ACSM2A: variants seen among roughly 807,000 people sequenced by gnomAD.
ACSM2A encodes acyl-coenzyme A synthetase ACSM2A, mitochondrial.
In ACSM2A, 72 loss-of-function variants were observed where a neutral mutation model predicts 76.6. The ratio of observed to expected loss-of-function variants is 0.94; its 90% CI spans 0.78 to 1.14. ACSM2A has a LOEUF of 1.14. ACSM2A is among the 50% of genes most tolerant of loss of function. The pLI, the probability that ACSM2A is intolerant of heterozygous loss-of-function variation, is 0.00. For missense variants in ACSM2A, 684 were observed against 708.5 expected (o/e 0.97, Z 0.39); for synonymous variants, 249 against 255.9 (o/e 0.97, Z 0.26).
intron 8 of ACSM2A, chr16:20,476,437 G>A (rs1183414261): frequency 1.0e-6 from 1 of 985,142 alleles, no homozygotes; most frequent in Non-Finnish European, 1.2e-6. Context: ...TCCTTCTTTG[G>A]CTAATGAGTA....
At chr16:20,474,641 G>C (rs1406436135) in intron 6 of ACSM2A, among the ~76,000 whole-genome samples, 1 of 152,182 alleles carries the variant, frequency 6.6e-6, no homozygotes, top group Non-Finnish European at 1.5e-5. Context: ...GCATGGGATG[G>C]AGATGGTGTT....
intron 1 of ACSM2A, among the ~76,000 whole-genome samples, chr16:20,458,617 T>C (rs1322894995): frequency 7.0e-6 from 1 of 143,442 alleles, no homozygotes; most frequent in Admixed American, 7.2e-5. Context: ...TATATATGTA[T>C]TTTTTGCCAC....
At position 20,477,443 on chromosome 16, in the gene ACSM2A, T is replaced by G. The variant is rs752812070; in HGVS notation, c.1173T>G (p.Asp391Glu). 6 of 1,602,642 alleles carry G rather than the reference T, an allele frequency of 3.7e-6. No homozygotes were observed. The East Asian group carries it at 1.1e-4, about 30-fold the overall frequency. Reference protein sequence around the residue: ...GYMGTAASCYDVQIIDDKGNV... With the variant: ...GYMGTAASCYEVQIIDDKGNV... ...TGGGAACGGCTGCTTCCTGTTATGA[T>G]GTACAGGTTTGCTCGGGACACTGAG... The change falls in exon 9 of 14, where the codon GAT becomes GAG. Residue 391 changes from aspartate to glutamate, a missense_variant. Coordinates refer to ENST00000573854, the MANE Select transcript of ACSM2A (RefSeq NM_001308172.2).
At chr16:20,454,994 A>G (rs999189346) in intron 1 of ACSM2A, among the ~76,000 whole-genome samples, 3 of 151,352 alleles carry the variant, frequency 2.0e-5, no homozygotes, top group African/African-American at 7.3e-5. Context: ...AAGAACACAG[A>G]GAAAAACACA....
In ACSM2A at chr16:20,480,571, A is replaced by G; in HGVS notation, c.1282-2A>G. The G allele has an allele frequency of 6.2e-7, 1 of 1,613,778 alleles. No individual in the cohort carries two copies. The highest frequency in any genetic ancestry group is 8.5e-7 in the Non-Finnish European group (1 of 1,179,768). ...ATGACTCTGTCTTTCTGTGGTCACC[A>G]GGACAATCCCGACAAGACAGCAGCC... On this transcript the variant is annotated splice_acceptor_variant, in intron 10 of 13. Transcript: ENST00000573854. LOFTEE classifies it high-confidence loss of function.
At chr16:20,470,392 T>C (rs1001915186) in intron 4 of ACSM2A, among the ~76,000 whole-genome samples, 68 of 152,146 alleles carry the variant, frequency 4.5e-4, no homozygotes, top group Admixed American at 1.2e-3. Context: ...TGATAGTCCT[T>C]CCAAAAGCCG....
chr16:20,478,926 ACT>A (rs925382840), intron 10 of ACSM2A, among the ~76,000 whole-genome samples: 2 of 151,938 alleles, frequency 1.3e-5, no homozygotes, highest in Admixed American at 6.6e-5. Flanking sequence ...CTCCTCAAGA[ACT>A]CTCTGTTTCA....
chr16:20,454,811 G>C (rs1265293651), intron 1 of ACSM2A, among the ~76,000 whole-genome samples: 2 of 149,846 alleles, frequency 1.3e-5, no homozygotes, highest in East Asian at 4.0e-4. Flanking sequence ...AAACCAAGAA[G>C]AAACTCCTAA....
chr16:20,485,974 T>C (rs1178405946), intron 13 of ACSM2A, among the ~76,000 whole-genome samples: 1 of 152,182 alleles, frequency 6.6e-6, no homozygotes, highest in Non-Finnish European at 1.5e-5. Context: ...CAAGATCAAA[T>C]AGTGAAATTG....
At chr16:20,473,167 G>T (rs1385822535) in intron 6 of ACSM2A, among the ~76,000 whole-genome samples, 3 of 152,168 alleles carry the variant, frequency 2.0e-5, no homozygotes, top group Non-Finnish European at 4.4e-5. Flanking sequence ...TGCAGCAAAG[G>T]TTCAAGCTAA....
chr16:20,480,483 A>G (rs928659781), intron 10 of ACSM2A, 90 bp from the exon 11 acceptor site: 5 of 1,531,054 alleles, frequency 3.3e-6, no homozygotes. Context: ...TGCAGTTTTA[A>G]TAAGACTCAT....
chr16:20,457,954 T>G (rs1010335700), intron 1 of ACSM2A, among the ~76,000 whole-genome samples: 1 of 151,946 alleles, frequency 6.6e-6, no homozygotes, highest in African/African-American at 2.4e-5. Context: ...AACTAATAAA[T>G]GAATTCAGCA....
chr16:20,470,643 C>T (rs1207273932), intron 4 of ACSM2A, among the ~76,000 whole-genome samples: 1 of 152,102 alleles, frequency 6.6e-6, no homozygotes, highest in African/African-American at 2.4e-5. Context: ...AAGAGAATGC[C>T]AAGAAAGTAC....
chr16:20,484,095 T>C (rs2014265369), intron 13 of ACSM2A, among the ~76,000 whole-genome samples: 1 of 149,492 alleles, frequency 6.7e-6, no homozygotes, highest in African/African-American at 2.5e-5. Flanking sequence ...CTGGACCAAC[T>C]TGGGCCATGT....
At position 20,487,439 on chromosome 16, in the gene ACSM2A, G is replaced by A. The variant is rs368951060; in HGVS notation, c.*761G>A. ...ACAAGTCACCCCAAACCTTGGAACT[G>A]TCAGGGTCAGAGGGGAACCACCATT... On this transcript the variant is annotated 3_prime_UTR_variant, in exon 14 of 14. Transcript: ENST00000573854. The A allele has an allele frequency of 6.6e-6, 1 of 152,202 alleles. No individual in the cohort carries two copies. Among genetic ancestry groups the A allele is most frequent in the South Asian group, 2.1e-4 (1 of 4,824 alleles). 9.4% of individuals were successfully genotyped at this position (152,202 alleles called of 1,614,324 possible). A position where few individuals can be genotyped will look rare whatever the true frequency, so the allele number is the denominator to read the frequency against.
chr16:20,485,373 C>A (rs1203858961), intron 13 of ACSM2A, among the ~76,000 whole-genome samples: 4 of 152,168 alleles, frequency 2.6e-5, no homozygotes, highest in Non-Finnish European at 5.9e-5. Flanking sequence ...CTCCTTCCAC[C>A]AACTACATCC....
At chr16:20,471,733 G>A (rs748794166) in intron 6 of ACSM2A, 44 bp downstream of exon 6, 12 of 1,582,294 alleles carry the variant, frequency 7.6e-6, no homozygotes, top group Middle Eastern at 1.7e-4. Context: ...GAGTGAGCCC[G>A]AGGTTTGCAC....
chr16:20,466,795 G>A (rs1326851182), intron 3 of ACSM2A, among the ~76,000 whole-genome samples: 1 of 152,090 alleles, frequency 6.6e-6, no homozygotes, highest in African/African-American at 2.4e-5. Flanking sequence ...CCAGACTTAG[G>A]GTTTACCATA....
chr16:20,476,193 A>T (rs1207703648), intron 8 of ACSM2A: 1 of 1,004,176 alleles, frequency 1.0e-6, no homozygotes, highest in African/African-American at 1.8e-5. Flanking sequence ...CTTAGACTGA[A>T]GTGAGGAATG....
Sources: allele counts gnomAD v4.1 joint callset (sites outside exome capture counted in the v4.1 genomes callset), GRCh38; gene constraint gnomAD v4.1.1; transcripts MANE v1.5; gene names NCBI Gene and HGNC (gene_info 2026-07-23, HGNC 2026-07-21).